COL28A1: variants seen among roughly 807,000 people sequenced by gnomAD.
The protein encoded by COL28A1 is collagen type XXVIII alpha 1 chain, also known as collagen alpha-1(XXVIII) chain.
COL28A1 carries 161 observed loss-of-function variants against 150.2 expected under a neutral mutation model. That is an observed-to-expected ratio of 1.07 (90% confidence interval 0.94 to 1.22). The LOEUF (loss-of-function observed/expected upper bound fraction) is 1.22. COL28A1 is among the 50% of genes most tolerant of loss of function. The probability of loss-of-function intolerance (pLI) is 0.00; values close to 1 mark genes in which losing one functional copy is unlikely to be tolerated. For synonymous variants in COL28A1, 552 were observed against 469.7 expected (o/e 1.18, Z -2.26); for missense variants, 1,617 against 1,388.3 (o/e 1.16, Z -2.62).
At chr7:7,439,351 C>T (rs143473176) in intron 21 of COL28A1, among the ~76,000 whole-genome samples, 2 of 152,106 alleles carry the variant, frequency 1.3e-5, no homozygotes, top group African/African-American at 2.4e-5. Flanking sequence ...TGACAAGAAT[C>T]GGGAAACACA....
intron 33 of COL28A1, among the ~76,000 whole-genome samples, chr7:7,362,293 G>C (rs1171502564): frequency 6.6e-6 from 1 of 151,918 alleles, no homozygotes; most frequent in Non-Finnish European, 1.5e-5. Context: ...GTATGCAATT[G>C]AATCAGTCAT....
At chr7:7,429,980 G>T (rs925780905) in intron 25 of COL28A1, among the ~76,000 whole-genome samples, 1 of 152,150 alleles carries the variant, frequency 6.6e-6, no homozygotes, top group Non-Finnish European at 1.5e-5. Flanking sequence ...TGAACCCTTT[G>T]TTTCTTACCT....
chr7:7,416,367 G>C (rs1392024346), intron 27 of COL28A1, among the ~76,000 whole-genome samples: 1 of 152,154 alleles, frequency 6.6e-6, no homozygotes, highest in Non-Finnish European at 1.5e-5. Context: ...ACACAACCCA[G>C]GTGAGAATGA....
intron 27 of COL28A1, among the ~76,000 whole-genome samples, chr7:7,389,820 G>T (rs1157475989): frequency 6.6e-6 from 1 of 152,188 alleles, no homozygotes; most frequent in Non-Finnish European, 1.5e-5. Flanking sequence ...GTATAAGAAT[G>T]CTTGTGATTT....
chr7:7,369,828 C>G (rs867550233), intron 33 of COL28A1, among the ~76,000 whole-genome samples: 4 of 152,152 alleles, frequency 2.6e-5, no homozygotes, highest in Non-Finnish European at 4.4e-5. Flanking sequence ...CTCATGATCA[C>G]TCTTTCATGT....
downstream of COL28A1, among the ~76,000 whole-genome samples, chr7:7,353,197 A>C (rs1780269949): frequency 6.6e-6 from 1 of 152,212 alleles, no homozygotes. Context: ...TCTAGTTCCT[A>C]AACTGAAGTC....
At chr7:7,535,051 T>G (rs1438507010) in intron 1 of COL28A1, among the ~76,000 whole-genome samples, 1 of 152,162 alleles carries the variant, frequency 6.6e-6, no homozygotes, top group Non-Finnish European at 1.5e-5. Flanking sequence ...TGCCTCTGTT[T>G]TTAATAATTC....
intron 18 of COL28A1, 26 bp from the exon 19 acceptor site, chr7:7,444,515 T>C (rs1247246265): frequency 2.5e-6 from 4 of 1,608,290 alleles, no homozygotes; most frequent in Non-Finnish European, 3.4e-6. Context: ...ATATTTTATT[T>C]CCCTAAAGTT....
intron 27 of COL28A1, among the ~76,000 whole-genome samples, chr7:7,383,273 T>A (rs1392629947): frequency 7.1e-6 from 1 of 140,322 alleles, no homozygotes; most frequent in African/African-American, 2.9e-5. Flanking sequence ...TGTGTGTGTG[T>A]GTGTGTGTGT....
At chr7:7,493,623 A>G (rs982756385) in intron 11 of COL28A1, among the ~76,000 whole-genome samples, 2 of 152,168 alleles carry the variant, frequency 1.3e-5, no homozygotes, top group African/African-American at 4.8e-5. Flanking sequence ...GGTAGGATCC[A>G]CAAAACAGTA....
the COL28A1 span, among the ~76,000 whole-genome samples, chr7:7,347,739 G>C: frequency 6.6e-6 from 1 of 152,076 alleles, no homozygotes; most frequent in African/African-American, 2.4e-5. Flanking sequence ...AGAGGAAACA[G>C]CAGGTACAAA....
chr7:7,444,595 C>A, intron 18 of COL28A1, 106 bp from the exon 19 acceptor site: 7 of 1,088,822 alleles, frequency 6.4e-6, no homozygotes, highest in Middle Eastern at 2.1e-4. Flanking sequence ...TCCGAGAAAT[C>A]TCATTAGCAA....
intron 18 of COL28A1, among the ~76,000 whole-genome samples, chr7:7,451,982 G>A (rs1786729476): frequency 6.6e-6 from 1 of 152,152 alleles, no homozygotes; most frequent in African/African-American, 2.4e-5. Context: ...TCGAAACTGT[G>A]AAGGGTAAAC....
At chr7:7,516,926 G>T (rs12702615) in intron 7 of COL28A1, among the ~76,000 whole-genome samples, 3 of 152,036 alleles carry the variant, frequency 2.0e-5, no homozygotes, top group Admixed American at 2.0e-4. Context: ...CTTCATGAAG[G>T]AAATAAAACT....
At chr7:7,500,851 G>C (rs550618034) in intron 11 of COL28A1, among the ~76,000 whole-genome samples, 2 of 152,088 alleles carry the variant, frequency 1.3e-5, no homozygotes, top group African/African-American at 4.8e-5. Context: ...AGTAGGGTTC[G>C]GAAAAGTAGG....
intron 15 of COL28A1, among the ~76,000 whole-genome samples, chr7:7,472,240 G>T (rs895240191): frequency 6.6e-6 from 1 of 152,114 alleles, no homozygotes; most frequent in Non-Finnish European, 1.5e-5. Context: ...GTGCCTGTTT[G>T]CTGATGATAT....
At chr7:7,478,327 T>C (rs1249819219) in intron 13 of COL28A1, among the ~76,000 whole-genome samples, 1 of 152,054 alleles carries the variant, frequency 6.6e-6, no homozygotes, top group African/African-American at 2.4e-5. Context: ...TGCTGATTGG[T>C]GCATTCACAA....
chr7:7,453,171 A>C (rs1425443422), intron 17 of COL28A1, among the ~76,000 whole-genome samples: 1 of 152,206 alleles, frequency 6.6e-6, no homozygotes, highest in East Asian at 1.9e-4. Context: ...TATTAATATT[A>C]CTGTTTGAGT....
intron 15 of COL28A1, among the ~76,000 whole-genome samples, chr7:7,461,441 G>T (rs909791057): frequency 1.3e-5 from 2 of 152,170 alleles, no homozygotes; most frequent in African/African-American, 2.4e-5. Context: ...GACAGGGGAA[G>T]AAGGAAAGCT....
Sources: gnomAD v4.1 joint callset for allele counts (sites outside exome capture counted in the v4.1 genomes callset) on GRCh38, gnomAD v4.1.1 for gene constraint, MANE v1.5 for transcripts, NCBI Gene and HGNC (gene_info 2026-07-23, HGNC 2026-07-21) for gene names.